RBM47: variants seen among roughly 807,000 people sequenced by gnomAD.
RBM47 encodes RNA-binding protein 47.
Under a neutral mutation model 47.1 loss-of-function variants are expected in RBM47, and 21 were observed. That is an observed-to-expected ratio of 0.45 (90% CI 0.32 to 0.64). The LOEUF (loss-of-function observed/expected upper bound fraction) is 0.64. RBM47 is among the 30% of genes least tolerant of loss of function. The pLI is 0.05. For missense variants in RBM47, 708 were observed against 870.9 expected (o/e 0.81, Z 2.35); for synonymous variants, 375 against 361.7 (o/e 1.04, Z -0.42).
At chr4:40,534,020 G>T (rs1446514881) in intron 2 of RBM47, among the ~76,000 whole-genome samples, 1 of 151,838 alleles carries the variant, frequency 6.6e-6, no homozygotes, top group Non-Finnish European at 1.5e-5. Context: ...TCCCCGTGTT[G>T]GTCAGGCTGG....
chr4:40,547,905 G>A (rs1729178708), intron 1 of RBM47, among the ~76,000 whole-genome samples: 1 of 152,210 alleles, frequency 6.6e-6, no homozygotes, highest in Non-Finnish European at 1.5e-5. Context: ...TACAGGCCAG[G>A]CCCTATGCCA....
At chr4:40,519,194 G>C (rs1403064162) in intron 2 of RBM47, among the ~76,000 whole-genome samples, 1 of 151,818 alleles carries the variant, frequency 6.6e-6, no homozygotes, top group African/African-American at 2.4e-5. Context: ...CTGGGTAACA[G>C]AGTGAGATCT....
At chr4:40,601,001 A>AAAAAAAAAAAAAG (rs1735234020) in intron 1 of RBM47, among the ~76,000 whole-genome samples, 1 of 150,626 alleles carries the variant, frequency 6.6e-6, no homozygotes, top group African/African-American at 2.4e-5. Context: ...AAAAAAAAAA[A>AAAAAAAAAAAAAG]AGAAAGAAGA....
chr4:40,617,064 C>T (rs1044138347), intron 1 of RBM47, among the ~76,000 whole-genome samples: 3 of 151,606 alleles, frequency 2.0e-5, no homozygotes, highest in Admixed American at 2.0e-4. Context: ...TTAGTAGAGA[C>T]AGGATTTCAC....
intron 1 of RBM47, among the ~76,000 whole-genome samples, chr4:40,610,022 C>T (rs1352592948): frequency 6.6e-6 from 1 of 151,724 alleles, no homozygotes; most frequent in Non-Finnish European, 1.5e-5. Context: ...AACCGGGAGG[C>T]GGAGGTTGCA....
chr4:40,614,820 A>T (rs1736575564), intron 1 of RBM47, among the ~76,000 whole-genome samples: 1 of 151,956 alleles, frequency 6.6e-6, no homozygotes, highest in African/African-American at 2.4e-5. Context: ...AACATGGTAA[A>T]AAGGACACTG....
chr4:40,431,601 T>C (rs887956231), intron 6 of RBM47, among the ~76,000 whole-genome samples: 12 of 147,544 alleles, frequency 8.1e-5, no homozygotes, highest in African/African-American at 3.0e-4. Context: ...GAGCTTGCAG[T>C]GAGCCGAGAT....
At chr4:40,431,618 A>G (rs1360083063) in intron 6 of RBM47, among the ~76,000 whole-genome samples, 25 of 150,924 alleles carry the variant, frequency 1.7e-4, no homozygotes, top group African/African-American at 2.4e-5. Flanking sequence ...AGATGGCGCC[A>G]CTGCGCTCCA....
At chr4:40,451,465 A>G (rs1715434068) in intron 3 of RBM47, among the ~76,000 whole-genome samples, 1 of 152,218 alleles carries the variant, frequency 6.6e-6, no homozygotes, top group African/African-American at 2.4e-5. Flanking sequence ...TCTCATTTAA[A>G]TTCCGACCCC....
intron 1 of RBM47, among the ~76,000 whole-genome samples, chr4:40,560,793 C>T (rs573550648): frequency 8.0e-4 from 121 of 152,138 alleles, no homozygotes; most frequent in African/African-American, 2.8e-3. Context: ...GGTGAAACCC[C>T]GTTTCTACTA....
rs532805429 is a variant in RBM47, at chr4:40,563,385, A to G, written c.-239-18879T>C. On this transcript the variant is annotated intron_variant, in intron 1 of 6. Transcript: ENST00000295971. ...TTCTTTCCTTTTCCCCATCTTTAAA[A>G]AAATGATTAAATGGCTGTAGAAGCG... 1.4e-3 allele frequency among the ~76,000 whole-genome samples: 207 copies of G among 151,776 alleles called. 2 individuals are homozygous for G. Among genetic ancestry groups the G allele is most frequent in the African/African-American group, 4.8e-3 (199 of 41,126 alleles).
Position 40,451,237 on chromosome 4 carries a change from A to G in RBM47, c.-31-12313T>C, listed in dbSNP as rs150321285. Among the ~76,000 whole-genome samples, 76 of 152,154 alleles carry G rather than the reference A, an allele frequency of 5.0e-4. 1 individual carries two copies. In the East Asian group the frequency reaches 0.014, roughly 27 times the overall value. On this transcript the variant is annotated intron_variant, in intron 3 of 6. Transcript: ENST00000295971. ...GGCTATCAAGACTGAGAAACGTGCA[A>G]CATTTTTCAAGGGTTTGAGGTAAGT... is the stretch of plus-strand genomic sequence containing the variant.
At chr4:40,491,221 G>T (rs1232737787) in intron 2 of RBM47, among the ~76,000 whole-genome samples, 4 of 152,194 alleles carry the variant, frequency 2.6e-5, no homozygotes, top group African/African-American at 9.7e-5. Context: ...AAGACTATTT[G>T]ATGGGAATAG....
At position 40,569,888 on chromosome 4, in the gene RBM47, T is replaced by C. The variant is rs1731545157; in HGVS notation, c.-239-25382A>G. Among the ~76,000 whole-genome samples the C allele has an allele frequency of 1.3e-5, 2 of 151,194 alleles. 1 individual carries two copies. The highest frequency in any genetic ancestry group is 1.3e-4 in the Admixed American group (2 of 15,142). On this transcript the variant is annotated intron_variant, in intron 1 of 6. Transcript: ENST00000295971. ...GACCACGCCTGGCTAATTTTTGTAT[T>C]TTTAGTAGAGATAGGGTTTCACCAT... is the stretch of plus-strand genomic sequence containing the variant.
intron 3 of RBM47, among the ~76,000 whole-genome samples, chr4:40,451,184 C>CAAAAAA (rs958122281): frequency 7.8e-5 from 4 of 51,446 alleles, no homozygotes; most frequent in African/African-American, 1.8e-4. Context: ...CAGTAGCTAC[C>CAAAAAA]AAAAAAAAAA....
chr4:40,526,509 A>G (rs1309038324), intron 2 of RBM47, among the ~76,000 whole-genome samples: 1 of 152,162 alleles, frequency 6.6e-6, no homozygotes, highest in Non-Finnish European at 1.5e-5. Context: ...TAGGCTTTGC[A>G]AGCCATGTGT....
intron 6 of RBM47, among the ~76,000 whole-genome samples, chr4:40,430,884 C>G (rs1052115930): frequency 2.6e-5 from 4 of 151,870 alleles, no homozygotes; most frequent in Non-Finnish European, 4.4e-5. Context: ...CCCAGGAGTT[C>G]AATACCAGCT....
chr4:40,568,432 A>G (rs1293335864), intron 1 of RBM47, among the ~76,000 whole-genome samples: 1 of 63,542 alleles, frequency 1.6e-5, no homozygotes, highest in South Asian at 5.3e-4. Context: ...CTGTCTCAAA[A>G]AAAAAAAAAA....
intron 2 of RBM47, among the ~76,000 whole-genome samples, chr4:40,527,573 G>A (rs1342001773): frequency 6.7e-6 from 1 of 150,268 alleles, no homozygotes; most frequent in Non-Finnish European, 1.5e-5. Context: ...TTACAGGCAT[G>A]AGACACTGCG....
Sources: gnomAD v4.1 joint callset for allele counts (sites outside exome capture counted in the v4.1 genomes callset) on GRCh38, gnomAD v4.1.1 for gene constraint, MANE v1.5 for transcripts, NCBI Gene and HGNC (gene_info 2026-07-23, HGNC 2026-07-21) for gene names.